Variants in PALLD observed in about 807,000 individuals in gnomAD.
PALLD encodes the protein palladin, cytoskeletal associated protein, also known as palladin.
PALLD carries 61 observed loss-of-function variants against 123.5 expected under a neutral mutation model. The ratio of observed to expected loss-of-function variants is 0.49; its 90% CI spans 0.40 to 0.61. PALLD has a LOEUF of 0.61. Ranked by LOEUF, PALLD falls within the 20% of genes least tolerant of loss-of-function variation. The pLI, the probability that PALLD is intolerant of heterozygous loss-of-function variation, is 0.00. For synonymous variants in PALLD, 465 were observed against 496.4 expected (o/e 0.94, Z 0.84); for missense variants, 1,273 against 1,377.0 (o/e 0.92, Z 1.20).
chr4:168,682,874 T>C (rs1781684562), intron 4 of PALLD, 124 bp from the exon 5 acceptor site: 2 of 641,052 alleles, frequency 3.1e-6, no homozygotes, highest in Admixed American at 2.6e-5. Context: ...GCGGATTGCG[T>C]ATACAAAAAG....
chr4:168,742,962 A>G (rs932362192), intron 10 of PALLD, among the ~76,000 whole-genome samples: 4 of 151,982 alleles, frequency 2.6e-5, no homozygotes, highest in Non-Finnish European at 5.9e-5. Context: ...TCCTCCTGCT[A>G]TTCTCTTCTG....
intron 10 of PALLD, among the ~76,000 whole-genome samples, chr4:168,872,180 C>T (rs771453148): frequency 3.3e-5 from 5 of 152,172 alleles, no homozygotes; most frequent in Admixed American, 6.5e-5. Flanking sequence ...CTCTCTCTAT[C>T]GGTACGTGGA....
At chr4:168,544,022 C>T (rs113738886) in intron 2 of PALLD, among the ~76,000 whole-genome samples, 2 of 152,198 alleles carry the variant, frequency 1.3e-5, no homozygotes, top group African/African-American at 4.8e-5. Flanking sequence ...TCCATTTTTA[C>T]TGCCTGAATA....
intron 2 of PALLD, among the ~76,000 whole-genome samples, chr4:168,644,181 C>G (rs1002969330): frequency 6.6e-6 from 1 of 151,592 alleles, no homozygotes; most frequent in South Asian, 2.1e-4. Flanking sequence ...CTCCACCTCC[C>G]GGGTTCAAGT....
At chr4:168,800,955 C>T (rs970631591) in intron 10 of PALLD, among the ~76,000 whole-genome samples, 26 of 151,960 alleles carry the variant, frequency 1.7e-4, no homozygotes, top group African/African-American at 5.1e-4. Flanking sequence ...TATAGCTAGA[C>T]GAAACAACAT....
At chr4:168,816,474 AC>A (rs1741973879) in intron 10 of PALLD, among the ~76,000 whole-genome samples, 1 of 150,936 alleles carries the variant, frequency 6.6e-6, no homozygotes, top group East Asian at 1.9e-4. Flanking sequence ...AACATTGACA[AC>A]TAACCAGATA....
chr4:168,617,318 A>G (rs1199671170), intron 2 of PALLD, among the ~76,000 whole-genome samples: 1 of 152,142 alleles, frequency 6.6e-6, no homozygotes, highest in African/African-American at 2.4e-5. Context: ...GCCTAAACTA[A>G]ATGATATAGA....
intron 2 of PALLD, among the ~76,000 whole-genome samples, chr4:168,538,287 T>C (rs1765278023): frequency 6.6e-6 from 1 of 152,162 alleles, no homozygotes; most frequent in Admixed American, 6.5e-5. Flanking sequence ...ACTTCCTTTT[T>C]TCTATCTGGA....
At chr4:168,836,589 G>A (rs915803819) in intron 10 of PALLD, among the ~76,000 whole-genome samples, 3 of 152,202 alleles carry the variant, frequency 2.0e-5, no homozygotes, top group African/African-American at 2.4e-5. Context: ...ACAAAATTGT[G>A]TGAGGTAGGC....
At chr4:168,769,330 C>T (rs1224544487) in intron 10 of PALLD, among the ~76,000 whole-genome samples, 1 of 152,204 alleles carries the variant, frequency 6.6e-6, no homozygotes, top group Non-Finnish European at 1.5e-5. Flanking sequence ...AACTTTGCCT[C>T]ATCTGTATAA....
intron 2 of PALLD, among the ~76,000 whole-genome samples, chr4:168,566,487 G>A (rs964335818): frequency 2.6e-5 from 4 of 151,790 alleles, no homozygotes; most frequent in Admixed American, 6.6e-5. Flanking sequence ...TTGTCGAGAC[G>A]GGGTCTCCCT....
rs1746541466 is a variant in PALLD, at chr4:168,844,670, C to G, written c.1965-46252C>G. On this transcript the variant is annotated intron_variant, in intron 10 of 21. Transcript: ENST00000505667. The surrounding 1 kb of genome is among the most constrained non-coding windows in gnomAD (Gnocchi z 4.5). ...TGTGCAACAGGAGATTGGACTCTGGCATCCCACAGCGTATCTTCCCTGCCA... is the reference window on the plus strand; with the variant it reads ...TGTGCAACAGGAGATTGGACTCTGGGATCCCACAGCGTATCTTCCCTGCCA... 6.6e-6 allele frequency: 1 copy of G among 152,210 alleles called. No individual in the cohort carries two copies. The highest frequency in any genetic ancestry group is 2.4e-5 in the African/African-American group (1 of 41,456). 9.4% of individuals were successfully genotyped at this position (152,210 alleles called of 1,614,324 possible).
chr4:168,571,038 G>T (rs1768926294), intron 2 of PALLD, among the ~76,000 whole-genome samples: 1 of 151,946 alleles, frequency 6.6e-6, no homozygotes, highest in African/African-American at 2.4e-5. Flanking sequence ...TATTTCTTTG[G>T]CTCTCTTCTT....
intron 10 of PALLD, among the ~76,000 whole-genome samples, chr4:168,803,918 T>G (rs1445922426): frequency 6.6e-6 from 1 of 152,158 alleles, no homozygotes; most frequent in Non-Finnish European, 1.5e-5. Context: ...GTTGCTTGTT[T>G]GGAGTTGTTT....
chr4:168,556,488 T>G (rs2149558845), intron 2 of PALLD, among the ~76,000 whole-genome samples: 1 of 152,298 alleles, frequency 6.6e-6, no homozygotes. Flanking sequence ...ACATATATTT[T>G]TCATTTTTTA....
intron 2 of PALLD, among the ~76,000 whole-genome samples, chr4:168,596,648 A>G (rs1580490014): frequency 1.3e-5 from 2 of 152,046 alleles, no homozygotes; most frequent in Admixed American, 1.3e-4. Flanking sequence ...CTTGACAAGG[A>G]AAATGCAAGT....
At chr4:168,690,228 G>A (rs926517282) in intron 6 of PALLD, among the ~76,000 whole-genome samples, 1 of 152,182 alleles carries the variant, frequency 6.6e-6, no homozygotes. Flanking sequence ...TATTTAGAGT[G>A]TGGTCGTTTC....
At chr4:168,590,062 G>T (rs560724819) in intron 2 of PALLD, among the ~76,000 whole-genome samples, 1 of 152,348 alleles carries the variant, frequency 6.6e-6, no homozygotes, top group Admixed American at 6.5e-5. Flanking sequence ...CTCAGGCTGG[G>T]CTCAGTGGCT....
chr4:168,842,084 A>G (rs1431632754), intron 10 of PALLD, among the ~76,000 whole-genome samples: 1 of 152,234 alleles, frequency 6.6e-6, no homozygotes, highest in Non-Finnish European at 1.5e-5. Context: ...GCTATGAATT[A>G]TGGGTCTGAT....
Sources: gnomAD v4.1 joint callset for allele counts (sites outside exome capture counted in the v4.1 genomes callset) on GRCh38, gnomAD v4.1.1 for gene constraint, Gnocchi (gnomAD v3.1) non-coding constraint, MANE v1.5 for transcripts, NCBI Gene and HGNC (gene_info 2026-07-23, HGNC 2026-07-21) for gene names.